IL34: variants seen among roughly 807,000 people sequenced by gnomAD.
IL34 encodes the protein interleukin 34.
IL34 carries 17 observed loss-of-function variants against 25.3 expected under a neutral mutation model. The ratio of observed to expected loss-of-function variants is 0.67; its 90% CI spans 0.46 to 1.01. The LOEUF (loss-of-function observed/expected upper bound fraction) is 1.01, where lower values mean the gene tolerates loss of function less well. Ranked by LOEUF, IL34 falls within the 50% of genes least tolerant of loss-of-function variation. IL34 has a pLI of 0.00. For synonymous variants in IL34, 174 were observed against 140.9 expected (o/e 1.23, Z -1.66); for missense variants, 368 against 312.9 (o/e 1.18, Z -1.33).
At chr16:70,588,537 G>T (rs917216475) in intron 1 of IL34, among the ~76,000 whole-genome samples, 6 of 151,478 alleles carry the variant, frequency 4.0e-5, no homozygotes, top group Non-Finnish European at 8.8e-5. Flanking sequence ...ATACAATCCA[G>T]CAATCCCACT....
chr16:70,645,121 G>GGAA (rs141428950), upstream of IL34, among the ~76,000 whole-genome samples: 44,053 of 144,302 alleles, frequency 0.31, 6,816 homozygotes, highest in South Asian at 0.46. Flanking sequence ...AGGAAGAAGA[G>GGAA]GGAGGAAGGA....
chr16:70,626,233 T>C (rs2051390487), intron 1 of IL34, among the ~76,000 whole-genome samples: 2 of 152,188 alleles, frequency 1.3e-5, no homozygotes, highest in Non-Finnish European at 2.9e-5. Context: ...TTGCATTCAG[T>C]TTAGTGTGTC....
At chr16:70,651,932 T>G (rs1161229941) in intron 1 of IL34, among the ~76,000 whole-genome samples, 1 of 150,598 alleles carries the variant, frequency 6.6e-6, no homozygotes, top group Non-Finnish European at 1.5e-5. Context: ...AAGAGCAGCC[T>G]GGCCAACCTG....
At chr16:70,613,665 G>A (rs1194841006) in intron 1 of IL34, among the ~76,000 whole-genome samples, 2 of 152,044 alleles carry the variant, frequency 1.3e-5, no homozygotes, top group African/African-American at 4.8e-5. Flanking sequence ...CCAGAGGTCA[G>A]GAGCTCAAAA....
In IL34 at chr16:70,588,971, G is replaced by A. The variant is rs142540528; in HGVS notation, c.-401+8922G>A. 5.0e-3 allele frequency among the ~76,000 whole-genome samples: 768 copies of A among 152,262 alleles called. 7 individuals are homozygous for A. The highest frequency in any genetic ancestry group is 0.016 in the African/African-American group (684 of 41,554). On this transcript the variant is annotated intron_variant, in intron 1 of 6. Coordinates refer to the IL34 transcript ENST00000429149. ...TGAAAAGTTCTGGAAATGGATGGTG[G>A]TGATGGTAACACAATAATATAAATG...
chr16:70,660,282 C>T lies in IL34; in HGVS notation c.*95C>T. ...ACTTCAAGGGGTGGTGGTGGGAGCC[C>T]CCCTTGGGAGAGGACCCCTGGGAAG... is the stretch of plus-strand genomic sequence containing the variant. On this transcript the variant is annotated 3_prime_UTR_variant, in exon 6 of 6. Coordinates refer to ENST00000288098, the MANE Select transcript of IL34 (RefSeq NM_001393494.1). 8.2e-7 allele frequency: 1 copy of T among 1,221,934 alleles called. No individual in the cohort carries two copies. Among genetic ancestry groups the T allele is most frequent in the South Asian group, 1.6e-5 (1 of 62,842 alleles). The allele number at this position is 1,221,934 out of a possible 1,614,324, so 75.7% of individuals were successfully genotyped here.
In IL34 at chr16:70,657,089, A is replaced by G. The variant is rs1416490122; in HGVS notation, c.370A>G (p.Thr124Ala). The change falls in exon 4 of 6, where the codon ACG becomes GCG. Residue 124 changes from threonine (T) to alanine (A), a missense_variant. Physicochemically the swap from Thr to Ala is moderately conservative, Grantham distance 58. Coordinates refer to ENST00000288098, the MANE Select transcript of IL34 (RefSeq NM_001393494.1). ...PSWKYLQEVE[T>A]LLLNVQQGLT... is the part of the protein sequence containing the mutation. ...CTGGAAGTACCTGCAGGAGGTGGAG[A>G]CGCTGCTGCTGAATGTCCAGCAGGG... The G allele has an allele frequency of 1.2e-6, 2 of 1,612,872 alleles. No individual in the cohort carries two copies. Among genetic ancestry groups the G allele is most frequent in the Non-Finnish European group, 1.7e-6 (2 of 1,179,946 alleles).
At chr16:70,612,479 C>G (rs2051105586) in intron 1 of IL34, among the ~76,000 whole-genome samples, 1 of 152,218 alleles carries the variant, frequency 6.6e-6, no homozygotes, top group Admixed American at 6.5e-5. Context: ...AAGGCCCACT[C>G]TGCCGTAATT....
intron 1 of IL34, among the ~76,000 whole-genome samples, chr16:70,634,197 A>G (rs951625685): frequency 3.3e-5 from 5 of 151,942 alleles, no homozygotes; most frequent in African/African-American, 1.2e-4. Flanking sequence ...TGGGCCTACT[A>G]ATCTGGTATG....
intron 1 of IL34, among the ~76,000 whole-genome samples, chr16:70,618,048 G>A (rs932951339): frequency 6.6e-6 from 1 of 152,190 alleles, no homozygotes; most frequent in African/African-American, 2.4e-5. Context: ...AAGGGAGGGG[G>A]CCTGAATAAT....
intron 3 of IL34, 98 bp from the exon 4 acceptor site, chr16:70,656,862 C>T (rs976408706): frequency 4.6e-5 from 62 of 1,361,732 alleles, no homozygotes; most frequent in South Asian, 1.3e-4. Context: ...GGACGGCCCG[C>T]GTCTGCTCCC....
At chr16:70,642,132 G>A (rs371036754), upstream of IL34, among the ~76,000 whole-genome samples, 5 of 152,170 alleles carry the variant, frequency 3.3e-5, no homozygotes, top group South Asian at 6.2e-4. Context: ...TGAGATCAGG[G>A]CACCAGCATG....
chr16:70,633,480 G>T (rs1006249376), intron 1 of IL34, among the ~76,000 whole-genome samples: 1 of 152,032 alleles, frequency 6.6e-6, no homozygotes, highest in Non-Finnish European at 1.5e-5. Context: ...GCCCAGTCTG[G>T]TTTCAAACTT....
At chr16:70,599,482 A>C (rs1015428434) in intron 1 of IL34, among the ~76,000 whole-genome samples, 1 of 151,388 alleles carries the variant, frequency 6.6e-6, no homozygotes, top group African/African-American at 2.4e-5. Context: ...TCATCCTCCA[A>C]AGTAGCTGTG....
intron 1 of IL34, among the ~76,000 whole-genome samples, chr16:70,621,736 C>G (rs923793684): frequency 1.3e-5 from 2 of 151,830 alleles, no homozygotes; most frequent in Non-Finnish European, 2.9e-5. Flanking sequence ...AAGGGTGGGG[C>G]CGTTTTATAG....
intron 1 of IL34, among the ~76,000 whole-genome samples, chr16:70,594,108 T>A (rs2050787932): frequency 6.6e-6 from 1 of 152,214 alleles, no homozygotes; most frequent in African/African-American, 2.4e-5. Context: ...TCCTTCTAGG[T>A]CTTTTGCTAC....
At chr16:70,614,697 C>A (rs2051147362) in intron 1 of IL34, among the ~76,000 whole-genome samples, 1 of 152,224 alleles carries the variant, frequency 6.6e-6, no homozygotes, top group African/African-American at 2.4e-5. Flanking sequence ...ATTGCCTACA[C>A]TCTTTGTGTC....
At chr16:70,631,254 G>A (rs780790690) in intron 1 of IL34, among the ~76,000 whole-genome samples, 28 of 152,278 alleles carry the variant, frequency 1.8e-4, no homozygotes, top group Admixed American at 1.1e-3. Flanking sequence ...GACTGTTGTG[G>A]ACATGGTCTG....
Position 70,652,166 on chromosome 16 carries a change from A to G in IL34, c.29-2372A>G, listed in dbSNP as rs2052097807. 2.6e-5 allele frequency among the ~76,000 whole-genome samples: 4 copies of G among 152,044 alleles called. No homozygotes were observed. The South Asian group carries it at 8.3e-4, about 32-fold the overall frequency. ...ATAAAAATAAAAATAAATGTCCTGC[A>G]AGGCCAAGGCCAGGTGTGGTGGCTC... On this transcript the variant is annotated intron_variant, in intron 1 of 5. Transcript: ENST00000288098.
Sources: gnomAD v4.1 joint callset for allele counts (sites outside exome capture counted in the v4.1 genomes callset) on GRCh38, gnomAD v4.1.1 for gene constraint, MANE v1.5 for transcripts, NCBI Gene and HGNC (gene_info 2026-07-23, HGNC 2026-07-21) for gene names.